Variants in SCNN1G observed in about 807,000 individuals in gnomAD.
SCNN1G encodes sodium channel epithelial 1 subunit gamma.
A neutral mutation model predicts 64.6 loss-of-function variants in SCNN1G; 27 were observed. The ratio of observed to expected loss-of-function variants is 0.42; its 90% CI spans 0.31 to 0.58. The LOEUF (loss-of-function observed/expected upper bound fraction) is 0.58. SCNN1G is among the 20% of genes least tolerant of loss of function. The pLI is 0.18. For missense variants in SCNN1G, 743 were observed against 823.4 expected (o/e 0.90, Z 1.19); for synonymous variants, 330 against 314.2 (o/e 1.05, Z -0.53).
intron 7 of SCNN1G, among the ~76,000 whole-genome samples, chr16:23,210,196 T>G (rs4470152): frequency 0.77 from 116,668 of 152,098 alleles, 45,299 homozygotes; most frequent in East Asian, 0.89. Flanking sequence ...GGTGCCCCTC[T>G]CTGGATGATG....
chr16:23,199,663 C>CTTTTTTTTTTTTTTTTTTTTT (rs67132706), intron 6 of SCNN1G, among the ~76,000 whole-genome samples: 1 of 59,652 alleles, frequency 1.7e-5, no homozygotes, highest in African/African-American at 6.6e-5. Flanking sequence ...CTTTTCTTTT[C>CTTTTTTTTTTTTTTTTTTTTT]TTTTTTTTTT....
At chr16:23,196,917 C>T (rs1959804563) in intron 5 of SCNN1G, among the ~76,000 whole-genome samples, 1 of 152,212 alleles carries the variant, frequency 6.6e-6, no homozygotes, top group African/African-American at 2.4e-5. Context: ...AATGCATCTT[C>T]TTTTGAATGT....
At position 23,195,363 on chromosome 16, in the gene SCNN1G, A is replaced by G. The variant is rs2141933330; in HGVS notation, c.913+1089A>G. On this transcript the variant is annotated intron_variant, in intron 5 of 12. Transcript: ENST00000300061. ...CAATTTCCAGCACTACTATTCCACTATGATTACATTTCTAGGGAAGGTAGG... is the reference window on the plus strand; with the variant it reads ...CAATTTCCAGCACTACTATTCCACTGTGATTACATTTCTAGGGAAGGTAGG... Among the ~76,000 whole-genome samples the G allele has an allele frequency of 2.6e-5, 4 of 152,290 alleles. No individual in the cohort carries two copies. In the Middle Eastern group the frequency reaches 0.01, roughly 388 times the overall value.
At chr16:23,211,954 C>T in intron 7 of SCNN1G, 80 bp from the exon 8 acceptor site, 1 of 1,045,488 alleles carries the variant, frequency 9.6e-7, no homozygotes, top group Non-Finnish European at 1.5e-6. Flanking sequence ...GGCTGACCCC[C>T]TGGGCTGAGG....
chr16:23,193,107 C>G (rs1004169833), intron 4 of SCNN1G, among the ~76,000 whole-genome samples: 2 of 142,904 alleles, frequency 1.4e-5, no homozygotes, highest in Middle Eastern at 3.8e-3. Flanking sequence ...ACCCAACCCA[C>G]AAGGTATTAG....
At chr16:23,186,634 C>T (rs759719273) in intron 2 of SCNN1G, 46 bp downstream of exon 2, 4 of 1,533,374 alleles carry the variant, frequency 2.6e-6, no homozygotes, top group Non-Finnish European at 3.6e-6. Context: ...CCAGGCCCCC[C>T]ACAGAGGCCA....
intron 6 of SCNN1G, among the ~76,000 whole-genome samples, chr16:23,206,323 G>A (rs771728835): frequency 9.8e-5 from 15 of 152,342 alleles, no homozygotes; most frequent in Non-Finnish European, 1.6e-4. Context: ...TCTCAAGGTT[G>A]CAAGAAGGTG....
chr16:23,192,581 G>C, intron 4 of SCNN1G, 39 bp downstream of exon 4: 1 of 1,552,476 alleles, frequency 6.4e-7, no homozygotes, highest in Non-Finnish European at 8.8e-7. Flanking sequence ...TCTAAGGACT[G>C]GCAGCTCTGA....
intron 3 of SCNN1G, among the ~76,000 whole-genome samples, chr16:23,190,115 G>T (rs1350454454): frequency 6.6e-6 from 1 of 151,928 alleles, no homozygotes; most frequent in Admixed American, 6.6e-5. Context: ...AGAGCATTAG[G>T]ACAAATACCT....
At chr16:23,184,672 A>C (rs4073291) in intron 1 of SCNN1G, among the ~76,000 whole-genome samples, 31,485 of 151,872 alleles carry the variant, frequency 0.21, 3,630 homozygotes, top group Admixed American at 0.31. Flanking sequence ...TAAACCCACT[A>C]GCATCATAAG....
Position 23,214,692 on chromosome 16 carries a change from C to T in SCNN1G, c.1494-20C>T. 6.3e-7 allele frequency: 1 copy of T among 1,597,910 alleles called. No homozygotes were observed. Among genetic ancestry groups the T allele is most frequent in the Non-Finnish European group, 8.6e-7 (1 of 1,165,278 alleles). On this transcript the variant is annotated intron_variant, in intron 11 of 12. Transcript: ENST00000300061. Reference sequence around the variant, plus strand: ...TGGTAGGATGCCAAGGCTCTTGATTCACCTGTTGGAATTTTGCAGGACAGA... The same window carrying T: ...TGGTAGGATGCCAAGGCTCTTGATTTACCTGTTGGAATTTTGCAGGACAGA...
chr16:23,213,242 G>A, intron 11 of SCNN1G, 79 bp downstream of exon 11: 2 of 872,586 alleles, frequency 2.3e-6, no homozygotes, highest in Non-Finnish European at 3.7e-6. Context: ...TATGTGTATG[G>A]CCAAATCCTC....
At chr16:23,185,400 A>G (rs1014787401) in intron 1 of SCNN1G, among the ~76,000 whole-genome samples, 5 of 152,222 alleles carry the variant, frequency 3.3e-5, no homozygotes, top group African/African-American at 1.2e-4. Context: ...AAGTTTGTAT[A>G]GTTGAGATGC....
chr16:23,188,951 G>C (rs976463422), intron 2 of SCNN1G, among the ~76,000 whole-genome samples: 1 of 152,226 alleles, frequency 6.6e-6, no homozygotes, highest in Non-Finnish European at 1.5e-5. Flanking sequence ...AGGACAATCA[G>C]TGGGCAGAGG....
chr16:23,203,927 T>C (rs867553307), intron 6 of SCNN1G, among the ~76,000 whole-genome samples: 11 of 151,832 alleles, frequency 7.2e-5, no homozygotes, highest in African/African-American at 2.2e-4. Context: ...GAGAATTTAA[T>C]GAGTTGGTGC....
chr16:23,190,467 A>G (rs1209882284), intron 3 of SCNN1G, among the ~76,000 whole-genome samples: 1 of 152,214 alleles, frequency 6.6e-6, no homozygotes, highest in African/African-American at 2.4e-5. Context: ...GGATCTGGGT[A>G]GCAAGAAATG....
intron 11 of SCNN1G, among the ~76,000 whole-genome samples, chr16:23,213,505 G>A (rs1960115310): frequency 6.6e-6 from 1 of 152,130 alleles, no homozygotes; most frequent in Admixed American, 6.5e-5. Context: ...ACCTCCCTTG[G>A]CCTTCCAAAG....
chr16:23,213,621 A>C (rs572046708), intron 11 of SCNN1G, among the ~76,000 whole-genome samples: 1 of 152,302 alleles, frequency 6.6e-6, no homozygotes, highest in African/African-American at 2.4e-5. Context: ...ACATCTGTGA[A>C]TCATGCCATG....
At chr16:23,213,019 G>A in intron 10 of SCNN1G, 83 bp from the exon 11 acceptor site, 1 of 1,522,866 alleles carries the variant, frequency 6.6e-7, no homozygotes, top group East Asian at 2.3e-5. Context: ...GGAGGCTGGG[G>A]GACAAGTTGG....
Sources: allele counts gnomAD v4.1 joint callset (sites outside exome capture counted in the v4.1 genomes callset), GRCh38; gene constraint gnomAD v4.1.1; transcripts MANE v1.5; gene names NCBI Gene and HGNC (gene_info 2026-07-23, HGNC 2026-07-21).